SYNE2: variants seen among roughly 807,000 people sequenced by gnomAD.
The protein encoded by SYNE2 is spectrin repeat containing nuclear envelope protein 2, also known as nesprin-2.
Under a neutral mutation model 856.3 loss-of-function variants are expected in SYNE2, and 431 were observed. The observed-to-expected ratio is 0.50, with a 90% CI of 0.47 to 0.55. The LOEUF is 0.55. SYNE2 is among the 20% of genes least tolerant of loss of function. The probability of loss-of-function intolerance (pLI) is 0.00; values close to 1 mark genes in which losing one functional copy is unlikely to be tolerated. For missense variants in SYNE2, 8,129 were observed against 8,023.2 expected (o/e 1.01, Z -0.50); for synonymous variants, 2,923 against 2,872.3 (o/e 1.02, Z -0.56).
Position 63,995,069 on chromosome 14 carries a change from A to G in SYNE2, c.2807A>G (p.Tyr936Cys), listed in dbSNP as rs1158151032. 7 of 1,562,214 alleles carry G rather than the reference A, an allele frequency of 4.5e-6. No individual in the cohort carries two copies. The highest frequency in any genetic ancestry group is 1.4e-5 in the African/African-American group (1 of 73,296). ...TCTCTTCATCATGAACTGTCTTTAT[A>G]TGTTCAACAACTAAAAATAGATATT... ...WESLHHELSL[Y>C]VQQLKIDIEK... The change falls in exon 23 of 116, where the codon TAT (tyrosine) becomes TGT (cysteine). Residue 936 changes from tyrosine to cysteine, a missense_variant. Tyr to Cys is a radical substitution (Grantham distance 194, BLOSUM62 -2). Transcript: ENST00000555002.
chr14:63,767,167 C>T (rs1317002712), intron 1 of SYNE2, among the ~76,000 whole-genome samples: 1 of 148,246 alleles, frequency 6.7e-6, no homozygotes, highest in Non-Finnish European at 1.5e-5. Flanking sequence ...AGTGCAGTGG[C>T]GCAATCTCGG....
chr14:64,109,113 C>T (rs540073936), intron 65 of SYNE2, among the ~76,000 whole-genome samples: 3 of 151,940 alleles, frequency 2.0e-5, no homozygotes, highest in African/African-American at 7.2e-5. Context: ...GGTCTCAAAC[C>T]ATCTGCCCAC....
In SYNE2 at chr14:64,135,359, A is replaced by G. The variant is rs534102211; in HGVS notation, c.14646+1159A>G. Among the ~76,000 whole-genome samples, 43 of 152,304 alleles carry G rather than the reference A, an allele frequency of 2.8e-4. 1 individual carries two copies. Among genetic ancestry groups the G allele is most frequent in the African/African-American group, 7.9e-4 (33 of 41,550 alleles). ...TTTCCATGGAGGTATTTTAACCTCT[A>G]TAAGGAACATTTTCCAGAGGCTGGG... On this transcript the variant is annotated intron_variant, in intron 78 of 115. Coordinates refer to ENST00000555002, the MANE Select transcript of SYNE2 (RefSeq NM_182914.3).
chr14:64,161,609 C>T (rs2098330346), intron 87 of SYNE2, among the ~76,000 whole-genome samples: 1 of 151,550 alleles, frequency 6.6e-6, no homozygotes, highest in African/African-American at 2.4e-5. Flanking sequence ...ATAGGCGGGG[C>T]GCACCATGGC....
In SYNE2 at chr14:64,030,051, A is replaced by G. The variant is rs1247595129; in HGVS notation, c.6871A>G (p.Lys2291Glu). 1 of 1,614,106 alleles carries G rather than the reference A, an allele frequency of 6.2e-7. No homozygotes were observed. Among genetic ancestry groups the G allele is most frequent in the South Asian group, 1.1e-5 (1 of 91,074 alleles). Residue 2291 changes from lysine to glutamate, a missense_variant, in exon 44 of 116, where the codon AAA becomes GAA. Lys to Glu is a moderately conservative substitution (Grantham distance 56, BLOSUM62 1). This residue lies in a region of SYNE2 where 297 missense variants were observed against 380.9 expected (regional missense o/e 0.78). Transcript: ENST00000555002. ...AATAGCGGTTGAGGAAAAATTGCAGAAACTGCAGGTACTAAACGGTGTCCA... is the reference window on the plus strand; with the variant it reads ...AATAGCGGTTGAGGAAAAATTGCAGGAACTGCAGGTACTAAACGGTGTCCA... ...DQIAVEEKLQ[K>E]LQELENRLSL...
chr14:63,905,317 T>G (rs767272288), intron 1 of SYNE2, among the ~76,000 whole-genome samples: 3 of 152,194 alleles, frequency 2.0e-5, no homozygotes, highest in African/African-American at 7.2e-5. Flanking sequence ...TATATGAATT[T>G]TAGAGTTGTT....
chr14:64,022,038 A>G lies in SYNE2; in HGVS notation c.5524+10A>G, dbSNP rs1206120852. The G allele has an allele frequency of 1.2e-6, 2 of 1,612,810 alleles. No individual in the cohort carries two copies. The highest frequency in any genetic ancestry group is 8.5e-7 in the Non-Finnish European group (1 of 1,179,124). ...TCTAAGTTATTGAATGGTGAGTGCA[A>G]CATTTCTCTTATTTTGTTTCTGGGA... On this transcript the variant is annotated intron_variant, in intron 37 of 115. Transcript: ENST00000555002.
At chr14:63,919,646 C>T (rs1452916372) in intron 2 of SYNE2, among the ~76,000 whole-genome samples, 1 of 152,028 alleles carries the variant, frequency 6.6e-6, no homozygotes, top group African/African-American at 2.4e-5. Context: ...AAGGAGTAGC[C>T]AGTGACAAGG....
At chr14:64,196,091 G>T (rs1213751302) in intron 99 of SYNE2, among the ~76,000 whole-genome samples, 1 of 152,220 alleles carries the variant, frequency 6.6e-6, no homozygotes, top group Admixed American at 6.5e-5. Context: ...TCAGCAGGTT[G>T]CAGGAACAGC....
chr14:63,952,571 G>A (rs1329681771), intron 7 of SYNE2, among the ~76,000 whole-genome samples: 3 of 152,290 alleles, frequency 2.0e-5, no homozygotes, highest in African/African-American at 7.2e-5. Context: ...TCTAACTGGT[G>A]ACTTTGAACA....
intron 1 of SYNE2, among the ~76,000 whole-genome samples, chr14:63,844,219 T>C (rs1890158138): frequency 6.6e-6 from 1 of 152,206 alleles, no homozygotes; most frequent in African/African-American, 2.4e-5. Context: ...TCACTGATCT[T>C]TTCACTCTCT....
chr14:63,976,984 CA>C (rs57088694), intron 12 of SYNE2, among the ~76,000 whole-genome samples: 12 of 133,746 alleles, frequency 9.0e-5, no homozygotes, highest in Admixed American at 1.5e-4. Context: ...AAAGTCTTAC[CA>C]AAAAAAAAAG....
intron 11 of SYNE2, among the ~76,000 whole-genome samples, chr14:63,968,220 T>G (rs1202516037): frequency 6.6e-6 from 1 of 152,220 alleles, no homozygotes; most frequent in Admixed American, 6.5e-5. Flanking sequence ...GGGCTTTATT[T>G]TAAACTTCCA....
Position 64,159,171 on chromosome 14 carries a change from T to G in SYNE2, c.15964-141T>G, listed in dbSNP as rs1008315585. On this transcript the variant is annotated intron_variant, in intron 86 of 115. Transcript: ENST00000555002. The stretch of plus-strand genomic sequence containing the variant: ...AATAAAGAATGCCTTCTCCATTGTT[T>G]TCTTCACATTCCTAATAGTTTATCA... 36 of 1,190,082 alleles carry G rather than the reference T, an allele frequency of 3.0e-5. 2 individuals carry two copies. In the South Asian group the frequency reaches 3.9e-4, roughly 13 times the overall value. 73.7% of individuals were successfully genotyped at this position (1,190,082 alleles called of 1,614,324 possible). A position where few individuals can be genotyped will look rare whatever the true frequency, so the allele number is the denominator to read the frequency against.
In SYNE2 at chr14:64,049,875, G is replaced by A. The variant is rs1370780963; in HGVS notation, c.7642G>A (p.Val2548Ile). 6 of 1,613,854 alleles carry A rather than the reference G, an allele frequency of 3.7e-6. No homozygotes were observed. In the Admixed American group the frequency reaches 8.3e-5, roughly 22 times the overall value. ...ALLTDKESLK[V>I]GPLDSVTYLD... ...GTTGACAGACAAGGAAAGTCTTAAA[G>A]TGTAAGTGTAAGAATTTAGGACTTG... Residue 2548 changes from valine to isoleucine, a missense_variant and splice_region_variant, in exon 47 of 116, where the codon GTA becomes ATA. Physicochemically the swap from Val to Ile is conservative, Grantham distance 29. Around this residue, in one of 3 missense-constraint regions of SYNE2, gnomAD observed 5,410 missense variants for 5,284.8 expected, o/e 1.02. Transcript: ENST00000555002.
chr14:63,878,853 G>A lies in SYNE2; in HGVS notation c.-52+25710G>A, dbSNP rs112688838. Among the ~76,000 whole-genome samples, 16 of 152,206 alleles carry A rather than the reference G, an allele frequency of 1.1e-4. 1 individual carries two copies. Among genetic ancestry groups the A allele is most frequent in the African/African-American group, 2.2e-4 (9 of 41,516 alleles). On this transcript the variant is annotated intron_variant, in intron 1 of 115. Coordinates refer to ENST00000555002, the MANE Select transcript of SYNE2 (RefSeq NM_182914.3). Reference sequence around the variant, plus strand: ...AGCCACTGCGCTCGGCTTGAAGCCCGTTTTAAAAGTAGTGATCAAAAAAGA... The same window carrying A: ...AGCCACTGCGCTCGGCTTGAAGCCCATTTTAAAAGTAGTGATCAAAAAAGA...
chr14:64,115,433 G>A (rs1230571562), intron 66 of SYNE2, among the ~76,000 whole-genome samples: 1 of 152,150 alleles, frequency 6.6e-6, no homozygotes, highest in African/African-American at 2.4e-5. Flanking sequence ...GGGAACTTAT[G>A]TGTCTAGCGA....
At chr14:64,094,755 G>T (rs1164017185) in intron 61 of SYNE2, among the ~76,000 whole-genome samples, 1 of 152,094 alleles carries the variant, frequency 6.6e-6, no homozygotes. Flanking sequence ...AAGGACCCCA[G>T]AGAGCTTTTG....
rs753210962 is a variant in SYNE2, at chr14:64,087,721, T to A, written c.11535T>A (p.Phe3845Leu). ...AGCACAATCTTTTACATTCAATCTT[T>A]ATGGATCTAGAAGACCTGTCAATAA... Reference protein sequence around the residue: ...EQKHNLLHSIFMDLEDLSIIF... With the variant: ...EQKHNLLHSILMDLEDLSIIF... Residue 3845 changes from phenylalanine (F) to leucine (L), a missense_variant, in exon 58 of 116, where the codon TTT becomes TTA. Physicochemically the swap from Phe to Leu is conservative, Grantham distance 22. This residue lies in a region of SYNE2 where 5,410 missense variants were observed against 5,284.8 expected (regional missense o/e 1.02). Transcript: ENST00000555002. 3 of 1,614,208 alleles carry A rather than the reference T, an allele frequency of 1.9e-6. No individual in the cohort carries two copies. Among genetic ancestry groups the A allele is most frequent in the Non-Finnish European group, 1.7e-6 (2 of 1,180,032 alleles).
Sources: allele counts gnomAD v4.1 joint callset (sites outside exome capture counted in the v4.1 genomes callset), GRCh38; gene constraint gnomAD v4.1.1; regional missense constraint gnomAD v4.1.1; transcripts MANE v1.5; gene names NCBI Gene and HGNC (gene_info 2026-07-23, HGNC 2026-07-21).